Variants in CALN1 observed in about 807,000 individuals in gnomAD.
The protein encoded by CALN1 is calneuron 1, also known as calcium-binding protein 8.
A neutral mutation model predicts 30.6 loss-of-function variants in CALN1; 17 were observed. The ratio of observed to expected loss-of-function variants is 0.56; its 90% CI spans 0.38 to 0.83. CALN1 has a LOEUF of 0.83. CALN1 is among the 40% of genes least tolerant of loss of function. CALN1 has a pLI of 0.00. For synonymous variants in CALN1, 156 were observed against 131.4 expected (o/e 1.19, Z -1.28); for missense variants, 291 against 354.9 (o/e 0.82, Z 1.45).
At chr7:72,061,358 G>A (rs1483001409) in intron 4 of CALN1, among the ~76,000 whole-genome samples, 1 of 152,136 alleles carries the variant, frequency 6.6e-6, no homozygotes, top group East Asian at 1.9e-4. Flanking sequence ...CATTAACACT[G>A]TGTTCTTATT....
chr7:72,031,834 C>T (rs844679), intron 4 of CALN1, among the ~76,000 whole-genome samples: 42,359 of 150,016 alleles, frequency 0.28, 9,361 homozygotes, highest in African/African-American at 0.62. Context: ...CTCCGCCTTC[C>T]GGGTTCAAGT....
chr7:72,304,322 A>G (rs1361399926), intron 2 of CALN1, among the ~76,000 whole-genome samples: 1 of 152,182 alleles, frequency 6.6e-6, no homozygotes, highest in Non-Finnish European at 1.5e-5. Flanking sequence ...TCCCATTTCA[A>G]GTGGATGCTC....
At chr7:72,129,664 G>C (rs756698186) in intron 3 of CALN1, among the ~76,000 whole-genome samples, 1 of 152,174 alleles carries the variant, frequency 6.6e-6, no homozygotes, top group South Asian at 2.1e-4. Flanking sequence ...GTAGCTAGGA[G>C]TGTAAATAAA....
chr7:72,271,572 A>AT (rs1410583569), intron 3 of CALN1, among the ~76,000 whole-genome samples: 9 of 110,620 alleles, frequency 8.1e-5, no homozygotes, highest in African/African-American at 3.2e-4. Flanking sequence ...TTTAAAAAAA[A>AT]AAAATATATA....
At chr7:71,946,367 C>CTTTTTT (rs34207419) in intron 5 of CALN1, among the ~76,000 whole-genome samples, 1 of 128,682 alleles carries the variant, frequency 7.8e-6, no homozygotes, top group Non-Finnish European at 1.6e-5. Context: ...TTCTTTCTTT[C>CTTTTTT]TTTTTTTTTT....
the CALN1 span, among the ~76,000 whole-genome samples, chr7:72,460,017 A>G: frequency 6.6e-6 from 1 of 152,240 alleles, no homozygotes; most frequent in Non-Finnish European, 1.5e-5. Flanking sequence ...AAAGCTTCAG[A>G]AAGCTTCCAA....
At chr7:72,037,713 C>T (rs117648861) in intron 4 of CALN1, among the ~76,000 whole-genome samples, 1 of 151,904 alleles carries the variant, frequency 6.6e-6, no homozygotes, top group African/African-American at 2.4e-5. Context: ...TCCTGAAACA[C>T]TAGTACAGGG....
chr7:72,275,587 G>C (rs1011439393), intron 3 of CALN1, among the ~76,000 whole-genome samples: 2 of 152,124 alleles, frequency 1.3e-5, no homozygotes, highest in Non-Finnish European at 2.9e-5. Context: ...TCCCCAGGCT[G>C]AGAGCCTGGA....
At chr7:72,335,519 C>G (rs1045871386) in intron 2 of CALN1, among the ~76,000 whole-genome samples, 1 of 152,178 alleles carries the variant, frequency 6.6e-6, no homozygotes, top group Non-Finnish European at 1.5e-5. Flanking sequence ...ATTATCACCA[C>G]TAAACAGACT....
the CALN1 span, among the ~76,000 whole-genome samples, chr7:72,478,952 G>A: frequency 6.8e-6 from 1 of 147,096 alleles, no homozygotes; most frequent in Admixed American, 6.8e-5. Flanking sequence ...CGAGATCTTG[G>A]CTCATTGCAA....
intron 5 of CALN1, among the ~76,000 whole-genome samples, chr7:71,846,660 A>G (rs1326626525): frequency 6.6e-6 from 1 of 151,234 alleles, no homozygotes; most frequent in East Asian, 1.9e-4. Flanking sequence ...TTTTCTGTGC[A>G]ATATTCTGTG....
intron 4 of CALN1, among the ~76,000 whole-genome samples, chr7:72,044,593 T>C (rs955740180): frequency 5.7e-5 from 8 of 139,874 alleles, no homozygotes; most frequent in African/African-American, 1.8e-4. Context: ...TAATTTCCGC[T>C]TAAAACTTTT....
intron 2 of CALN1, among the ~76,000 whole-genome samples, chr7:72,334,570 T>G (rs1285413126): frequency 6.6e-6 from 1 of 151,868 alleles, no homozygotes; most frequent in Non-Finnish European, 1.5e-5. Flanking sequence ...GTCAATCAAG[T>G]CTTGCCCATC....
chr7:71,800,465 C>T (rs753238990), intron 6 of CALN1, among the ~76,000 whole-genome samples: 1 of 152,080 alleles, frequency 6.6e-6, no homozygotes, highest in African/African-American at 2.4e-5. Flanking sequence ...ATTTATTCCC[C>T]AGTTGGTGAT....
chr7:72,306,254 A>G (rs545060922), intron 2 of CALN1, among the ~76,000 whole-genome samples: 1 of 152,344 alleles, frequency 6.6e-6, no homozygotes, highest in African/African-American at 2.4e-5. Flanking sequence ...ACATCTGTAA[A>G]GAATCTCTAT....
chr7:71,913,911 C>T (rs1416930779), intron 5 of CALN1: 1 of 152,150 alleles, frequency 6.6e-6, no homozygotes, highest in Admixed American at 6.5e-5. Flanking sequence ...CAAGCCTGTA[C>T]AAGGAGTGAG....
chr7:72,431,905 C>A (rs182116953), intron 1 of CALN1, among the ~76,000 whole-genome samples: 188 of 151,972 alleles, frequency 1.2e-3, no homozygotes, highest in African/African-American at 4.3e-3. Context: ...AGCTCTACCT[C>A]CCTAACCACC....
chr7:72,081,406 GGT>G (rs1554434301), intron 4 of CALN1, among the ~76,000 whole-genome samples: 3 of 35,390 alleles, frequency 8.5e-5, no homozygotes, highest in Admixed American at 3.2e-4. Flanking sequence ...AAAATCATAG[GGT>G]GTGTGTGTGT....
intron 5 of CALN1, among the ~76,000 whole-genome samples, chr7:71,841,192 T>C (rs1789919327): frequency 2.6e-5 from 4 of 152,178 alleles, no homozygotes; most frequent in Admixed American, 2.6e-4. Flanking sequence ...CAAGGGTAGC[T>C]GTGTTCCACA....
Sources: allele counts gnomAD v4.1 joint callset (sites outside exome capture counted in the v4.1 genomes callset), GRCh38; gene constraint gnomAD v4.1.1; transcripts MANE v1.5; gene names NCBI Gene and HGNC (gene_info 2026-07-23, HGNC 2026-07-21).